THSD7B: variants seen among roughly 807,000 people sequenced by gnomAD.
The protein encoded by THSD7B is thrombospondin type 1 domain containing 7B.
In THSD7B, 138 loss-of-function variants were observed where a neutral mutation model predicts 213.6. The observed-to-expected ratio is 0.65, with a 90% CI of 0.56 to 0.74. The LOEUF (loss-of-function observed/expected upper bound fraction) is 0.74. Ranked by LOEUF, THSD7B falls within the 30% of genes least tolerant of loss-of-function variation. The probability of loss-of-function intolerance (pLI) is 0.00; values close to 1 mark genes in which losing one functional copy is unlikely to be tolerated. For missense variants in THSD7B, 1,931 were observed against 1,991.5 expected, an observed-to-expected ratio of 0.97 and a Z score of 0.58; for synonymous variants, 742 against 687.0, an observed-to-expected ratio of 1.08 and a Z score of -1.25.
chr2:137,651,726 T>C (rs1683144695), intron 21 of THSD7B, among the ~76,000 whole-genome samples: 2 of 152,108 alleles, frequency 1.3e-5, no homozygotes, highest in Non-Finnish European at 2.9e-5. Flanking sequence ...CTGCTTTTGC[T>C]GTATCTCATA....
At chr2:137,087,594 G>A (rs7580277) in intron 3 of THSD7B, among the ~76,000 whole-genome samples, 29,878 of 151,994 alleles carry the variant, frequency 0.2, 4,436 homozygotes, top group African/African-American at 0.41. Context: ...AACTAACCAA[G>A]GAAGTGAAAG....
chr2:137,056,853 T>C lies in THSD7B; in HGVS notation c.573T>C (p.Cys191=), dbSNP rs376814148. 5.6e-6 allele frequency: 9 copies of C among 1,613,794 alleles called. No homozygotes were observed. The highest frequency in any genetic ancestry group is 6.8e-6 in the Non-Finnish European group (8 of 1,179,876). Residue 191 remains cysteine, a synonymous_variant, in exon 3 of 28, where the codon TGT becomes TGC. Coordinates refer to ENST00000409968, the MANE Select transcript of THSD7B (RefSeq NM_001316349.2). ...CTGAGTTCTTACCATGGTCCAACTG[T>C]AGCAAGGGATGTGGGAAGAAATTGC... ...VVSEFLPWSN[C]SKGCGKKLQH...
chr2:137,043,550 G>A (rs1686919311), intron 2 of THSD7B, among the ~76,000 whole-genome samples: 2 of 152,196 alleles, frequency 1.3e-5, no homozygotes, highest in South Asian at 4.1e-4. Flanking sequence ...AGGAGGAGAA[G>A]AGCAGAGAGG....
rs533611930 is a variant in THSD7B, at chr2:136,772,434, G to T, written c.-36+6747G>T. Reference sequence around the variant, plus strand: ...ATCATCTCAAAATCATAAAGAACTAGATACATTCACTTATAAAAGTGTTGG... The same window carrying T: ...ATCATCTCAAAATCATAAAGAACTATATACATTCACTTATAAAAGTGTTGG... On this transcript the variant is annotated intron_variant, in intron 1 of 27. Transcript: ENST00000409968. Among the ~76,000 whole-genome samples the T allele has an allele frequency of 1.1e-4, 16 of 152,142 alleles. No individual in the cohort carries two copies. In the South Asian group the frequency reaches 3.3e-3, roughly 32 times the overall value.
At chr2:137,003,959 C>G (rs1352871649) in intron 2 of THSD7B, among the ~76,000 whole-genome samples, 2 of 152,024 alleles carry the variant, frequency 1.3e-5, no homozygotes, top group African/African-American at 4.8e-5. Flanking sequence ...GTTATAAAAA[C>G]CCAAACCTAT....
chr2:136,992,514 T>G (rs1685804428), intron 2 of THSD7B, among the ~76,000 whole-genome samples: 1 of 151,812 alleles, frequency 6.6e-6, no homozygotes, highest in Non-Finnish European at 1.5e-5. Context: ...GATGGAGAAG[T>G]GATATAGGAA....
rs200990871 is a variant in THSD7B, at chr2:137,309,509, T to TA, written c.2500+33483_2500+33484insA. On this transcript the variant is annotated intron_variant, in intron 12 of 27. Coordinates refer to ENST00000409968, the MANE Select transcript of THSD7B (RefSeq NM_001316349.2). ...TTATATATATATAATTTTATTTATT[T>TA]TTTATTATTATTATACTTTAAGTTT... Among the ~76,000 whole-genome samples the TA allele has an allele frequency of 1.0e-4, 15 of 148,398 alleles. No individual in the cohort carries two copies. In the East Asian group the frequency reaches 2.0e-3, roughly 20 times the overall value.
intron 1 of THSD7B, among the ~76,000 whole-genome samples, chr2:136,783,166 A>T (rs142944203): frequency 6.6e-6 from 1 of 152,346 alleles, no homozygotes; most frequent in East Asian, 1.9e-4. Context: ...TGGCATTTGA[A>T]AAATGAATGA....
In THSD7B at chr2:137,589,805, T is replaced by A. The variant is rs115124475; in HGVS notation, c.3423+17249T>A. 5.9e-3 allele frequency among the ~76,000 whole-genome samples: 899 copies of A among 152,290 alleles called. 9 individuals carry two copies. Among genetic ancestry groups the A allele is most frequent in the African/African-American group, 0.021 (855 of 41,568 alleles). On this transcript the variant is annotated intron_variant, in intron 17 of 27. Transcript: ENST00000409968. The stretch of plus-strand genomic sequence containing the variant: ...GAAGAGCTAACAACCACCATTGCAA[T>A]TATATACTGGTTATTGGACATCCTT...
chr2:137,163,429 G>A (rs1416690902), intron 6 of THSD7B, among the ~76,000 whole-genome samples: 1 of 152,198 alleles, frequency 6.6e-6, no homozygotes, highest in Non-Finnish European at 1.5e-5. Flanking sequence ...TTTGGGCATA[G>A]TGACATACAC....
intron 1 of THSD7B, among the ~76,000 whole-genome samples, chr2:136,767,771 T>C (rs1162520271): frequency 6.6e-6 from 1 of 152,178 alleles, no homozygotes. Context: ...TGGAGATACG[T>C]GGTCCAGGAA....
chr2:137,331,788 C>G (rs1035454903), intron 12 of THSD7B, among the ~76,000 whole-genome samples: 3 of 152,190 alleles, frequency 2.0e-5, no homozygotes, highest in Non-Finnish European at 4.4e-5. Flanking sequence ...AGAAATCGAG[C>G]GCAGCGCTCG....
intron 15 of THSD7B, among the ~76,000 whole-genome samples, chr2:137,554,669 T>C (rs1246231913): frequency 6.6e-6 from 1 of 152,096 alleles, no homozygotes; most frequent in African/African-American, 2.4e-5. Context: ...AGGTACCAGG[T>C]TCATCTCACT....
At chr2:136,944,976 T>C (rs147458863) in intron 2 of THSD7B, among the ~76,000 whole-genome samples, 12,514 of 152,112 alleles carry the variant, frequency 0.082, 883 homozygotes, top group African/African-American at 0.19. Context: ...GCAGTTTCTT[T>C]GTAGCATCGA....
At chr2:137,667,318 ATGAC>A (rs138031601) in intron 26 of THSD7B, among the ~76,000 whole-genome samples, 3,815 of 152,188 alleles carry the variant, frequency 0.025, 132 homozygotes, top group African/African-American at 0.086. Context: ...ACCTATGCTT[ATGAC>A]TGACTTATGC....
At chr2:137,085,411 G>C (rs1019521146) in intron 3 of THSD7B, among the ~76,000 whole-genome samples, 1 of 151,566 alleles carries the variant, frequency 6.6e-6, no homozygotes, top group Non-Finnish European at 1.5e-5. Flanking sequence ...TGTACAGAGA[G>C]AAATAAAATA....
At chr2:137,173,667 A>G (rs1480507650) in intron 7 of THSD7B, among the ~76,000 whole-genome samples, 1 of 152,182 alleles carries the variant, frequency 6.6e-6, no homozygotes, top group Admixed American at 6.6e-5. Flanking sequence ...GGCAATGGCC[A>G]TGGTCGTGGT....
chr2:137,335,874 CT>C (rs376129975), intron 12 of THSD7B, among the ~76,000 whole-genome samples: 2 of 151,002 alleles, frequency 1.3e-5, no homozygotes, highest in South Asian at 2.1e-4. Context: ...GTTTGCTTTT[CT>C]TTTTTTTTCT....
rs6146927 is a variant in THSD7B at position 136,971,639 on chromosome 2, T to TACACACACACACACACAC, written c.140-84766_140-84749dup. ...AAGTCACTGGTTTAACAACAACAAA[T>TACACACACACACACACAC]ACACACACACACACACACACACACA... On this transcript the variant is annotated intron_variant, in intron 2 of 27. Transcript: ENST00000409968. 1.8e-3 allele frequency among the ~76,000 whole-genome samples: 246 copies of TACACACACACACACACAC among 135,344 alleles called. 1 individual carries two copies. The highest frequency in any genetic ancestry group is 3.8e-3 in the Middle Eastern group (1 of 260). The allele number at this position is 135,344 out of a possible 152,430, so 88.8% of individuals were successfully genotyped here. A position where few individuals can be genotyped will look rare whatever the true frequency, so the allele number is the denominator to read the frequency against.
Sources: allele counts gnomAD v4.1 joint callset (sites outside exome capture counted in the v4.1 genomes callset), GRCh38; gene constraint gnomAD v4.1.1; transcripts MANE v1.5; gene names NCBI Gene and HGNC (gene_info 2026-07-23, HGNC 2026-07-21).